Variants in WDPCP observed in about 807,000 individuals in gnomAD.
The protein encoded by WDPCP is WD repeat-containing and planar cell polarity effector protein fritz homolog.
A neutral mutation model predicts 93.1 loss-of-function variants in WDPCP; 71 were observed. The ratio of observed to expected loss-of-function variants is 0.76; its 90% confidence interval spans 0.63 to 0.93. The LOEUF (loss-of-function observed/expected upper bound fraction) is 0.93. Among genes scored for constraint, WDPCP ranks in the 40% least tolerant of loss-of-function variants. The pLI is 0.00. For synonymous variants in WDPCP, 315 were observed against 315.0 expected (o/e 1.00, Z 0.00); for missense variants, 844 against 887.4 (o/e 0.95, Z 0.62).
intron 6 of WDPCP, among the ~76,000 whole-genome samples, chr2:63,464,480 C>T (rs759731509): frequency 1.3e-4 from 20 of 151,908 alleles, no homozygotes; most frequent in Non-Finnish European, 2.2e-4. Context: ...TATGGTGTTT[C>T]CTCAAAAAAT....
At chr2:63,542,886 T>C (rs1325760566) in intron 1 of WDPCP, among the ~76,000 whole-genome samples, 1 of 152,010 alleles carries the variant, frequency 6.6e-6, no homozygotes, top group Non-Finnish European at 1.5e-5. Flanking sequence ...TAATTACTAG[T>C]AAAAAATCTA....
chr2:63,446,930 C>G lies in WDPCP; in HGVS notation c.385-7059G>C, dbSNP rs535479197. ...AAGGAAATGAGCAATGTCTATGATGCCAAATATATCTCACATAGTAAATTA... is the reference window on the plus strand; with the variant it reads ...AAGGAAATGAGCAATGTCTATGATGGCAAATATATCTCACATAGTAAATTA... On this transcript the variant is annotated intron_variant, in intron 6 of 17. Transcript: ENST00000272321. 1.1e-4 allele frequency among the ~76,000 whole-genome samples: 17 copies of G among 152,244 alleles called. No individual in the cohort carries two copies. In the East Asian group the frequency reaches 3.3e-3, roughly 29 times the overall value.
At chr2:63,438,858 C>G (rs1409634353) in intron 7 of WDPCP, among the ~76,000 whole-genome samples, 1 of 152,056 alleles carries the variant, frequency 6.6e-6, no homozygotes, top group Non-Finnish European at 1.5e-5. Flanking sequence ...AAGATACTGA[C>G]CATTTTCAAT....
Position 63,764,271 on chromosome 2 carries a change from A to T in WDPCP, n.308+49351T>A, listed in dbSNP as rs192700055. Among the ~76,000 whole-genome samples, 78 of 152,260 alleles carry T rather than the reference A, an allele frequency of 5.1e-4. No homozygotes were observed. The Middle Eastern group carries it at 0.017, about 33-fold the overall frequency. On this transcript the variant is annotated intron_variant and non_coding_transcript_variant, in intron 2 of 4. Transcript: ENST00000467687. ...CTCTGTAATAGAAAAATAACAGGAA[A>T]AGTATTTTCCTCCAAAAAGTATAAA...
chr2:63,520,175 C>T (rs569057685), intron 1 of WDPCP, among the ~76,000 whole-genome samples: 45 of 151,740 alleles, frequency 3.0e-4, no homozygotes, highest in Non-Finnish European at 6.2e-4. Context: ...CTCAGTCAGA[C>T]AAAAATAAAG....
intron 13 of WDPCP, among the ~76,000 whole-genome samples, chr2:63,295,606 T>C (rs1000314273): frequency 6.6e-6 from 1 of 151,672 alleles, no homozygotes; most frequent in Non-Finnish European, 1.5e-5. Flanking sequence ...TGATAAGAAA[T>C]ATAAAAGATC....
chr2:63,476,957 G>T lies in WDPCP; in HGVS notation c.384+7647C>A, dbSNP rs904798166. Reference sequence around the variant, plus strand: ...TTTAAAAAGGAAACTATCTTTAGTTGACCTTTTATGATTGTGCCTGAAAAT... The same window carrying T: ...TTTAAAAAGGAAACTATCTTTAGTTTACCTTTTATGATTGTGCCTGAAAAT... On this transcript the variant is annotated intron_variant, in intron 6 of 17. Transcript: ENST00000272321. Among the ~76,000 whole-genome samples, 3 of 152,210 alleles carry T rather than the reference G, an allele frequency of 2.0e-5. No homozygotes were observed. The East Asian group carries it at 5.8e-4, about 29-fold the overall frequency.
chr2:63,127,843 A>G (rs1235838451), intron 17 of WDPCP, among the ~76,000 whole-genome samples: 1 of 151,996 alleles, frequency 6.6e-6, no homozygotes. Flanking sequence ...CCATTTCTAA[A>G]TACAAGATTT....
intron 12 of WDPCP, among the ~76,000 whole-genome samples, chr2:63,350,294 G>C (rs1471191481): frequency 6.6e-6 from 1 of 152,112 alleles, no homozygotes; most frequent in East Asian, 1.9e-4. Context: ...ATGTCGGAGG[G>C]TGCAGGGCTG....
chr2:63,226,622 G>C (rs1464336986), intron 14 of WDPCP, among the ~76,000 whole-genome samples: 1 of 151,722 alleles, frequency 6.6e-6, no homozygotes. Flanking sequence ...CAAATACCTA[G>C]ATTATTAGCT....
At chr2:63,732,173 C>A (rs1669570157) in intron 2 of WDPCP, among the ~76,000 whole-genome samples, 1 of 152,090 alleles carries the variant, frequency 6.6e-6, no homozygotes, top group Non-Finnish European at 1.5e-5. Flanking sequence ...GGGTGCTATG[C>A]AATCATAGCT....
chr2:63,274,968 CAAAACCAGACAAGGATATGACAAAGAAAA>C (rs1260581728), intron 13 of WDPCP, among the ~76,000 whole-genome samples: 1 of 151,878 alleles, frequency 6.6e-6, no homozygotes, highest in African/African-American at 2.4e-5. Flanking sequence ...ACCTCAATAC[CAAAACCAGACAAGGATATGACAAAGAAAA>C]AAACCTATAG....
chr2:63,737,873 T>A (rs1295767973), intron 2 of WDPCP, among the ~76,000 whole-genome samples: 2 of 152,348 alleles, frequency 1.3e-5, no homozygotes, highest in Non-Finnish European at 2.9e-5. Context: ...GATTTTTTTT[T>A]AAGCACACAT....
At chr2:63,133,012 C>G (rs891039358) in intron 17 of WDPCP, among the ~76,000 whole-genome samples, 7 of 152,322 alleles carry the variant, frequency 4.6e-5, no homozygotes, top group African/African-American at 1.7e-4. Flanking sequence ...TAGACTGGCT[C>G]TTTGCCATGG....
intron 12 of WDPCP, among the ~76,000 whole-genome samples, chr2:63,316,981 C>T (rs527806613): frequency 1.3e-5 from 2 of 152,244 alleles, no homozygotes; most frequent in South Asian, 2.1e-4. Flanking sequence ...AGGAATACAG[C>T]TAACCAGGGA....
intron 12 of WDPCP, among the ~76,000 whole-genome samples, chr2:63,316,949 C>T (rs1449813332): frequency 6.6e-6 from 1 of 151,904 alleles, no homozygotes; most frequent in Non-Finnish European, 1.5e-5. Context: ...TTCACAATAG[C>T]CACAAAAAGA....
intron 14 of WDPCP, among the ~76,000 whole-genome samples, chr2:63,215,304 A>G (rs1677221394): frequency 6.6e-6 from 1 of 152,152 alleles, no homozygotes; most frequent in Non-Finnish European, 1.5e-5. Flanking sequence ...CCTGACTTCA[A>G]ACTATACTAC....
chr2:63,706,606 T>C (rs1187364928), intron 2 of WDPCP, among the ~76,000 whole-genome samples: 7 of 129,852 alleles, frequency 5.4e-5, no homozygotes, highest in African/African-American at 1.7e-4. Flanking sequence ...TTTTCTTTTT[T>C]TTTTTTTTTT....
chr2:63,361,607 CAT>C (rs1049071829), intron 12 of WDPCP, among the ~76,000 whole-genome samples: 20 of 152,212 alleles, frequency 1.3e-4, no homozygotes, highest in African/African-American at 4.1e-4. Flanking sequence ...AAACTATGCA[CAT>C]GTGTCACCAT....
Sources: allele counts gnomAD v4.1 joint callset (sites outside exome capture counted in the v4.1 genomes callset), GRCh38; gene constraint gnomAD v4.1.1; transcripts MANE v1.5; gene names NCBI Gene and HGNC (gene_info 2026-07-23, HGNC 2026-07-21).